Variants in ESYT1 observed in about 807,000 individuals in gnomAD.
ESYT1 encodes the protein extended synaptotagmin 1.
ESYT1 carries 116 observed loss-of-function variants against 154.2 expected under a neutral mutation model. That is an observed-to-expected ratio of 0.75 (90% CI 0.65 to 0.88). ESYT1 has a LOEUF of 0.88. ESYT1 is among the 40% of genes least tolerant of loss of function. ESYT1 has a pLI of 0.00. For synonymous variants in ESYT1, 500 were observed against 539.9 expected (o/e 0.93, Z 1.02); for missense variants, 1,264 against 1,379.3 (o/e 0.92, Z 1.32).
In ESYT1 at chr12:56,128,284, T is replaced by A. The variant is rs1565871518; in HGVS notation, c.-36T>A. ...GCAAGACTAGGCAACCTCCAGCCAG[T>A]CCCTGGGTCGGGCGGATCCTCCCAG... On this transcript the variant is annotated 5_prime_UTR_variant, in exon 1 of 31. Transcript: ENST00000394048. The A allele has an allele frequency of 1.9e-6, 3 of 1,579,068 alleles. No individual in the cohort carries two copies. Among genetic ancestry groups the A allele is most frequent in the Non-Finnish European group, 2.6e-6 (3 of 1,167,738 alleles).
chr12:56,128,330 C>G lies in ESYT1; in HGVS notation c.11C>G (p.Ser4Cys). MER[S>C]PGEGPSPSPM... ...CCCAGAGGTGGCACAATGGAGCGAT[C>G]TCCAGGAGAGGGCCCCAGCCCCAGC... The change falls in exon 1 of 31, where the codon TCT becomes TGT. Residue 4 changes from serine to cysteine, a missense_variant. By Grantham distance (112) the Ser-to-Cys change is moderately radical (BLOSUM62 -1). Coordinates refer to ENST00000394048, the MANE Select transcript of ESYT1 (RefSeq NM_015292.3). 6.2e-7 allele frequency: 1 copy of G among 1,610,822 alleles called. No individual in the cohort carries two copies. The highest frequency in any genetic ancestry group is 8.5e-7 in the Non-Finnish European group (1 of 1,179,150).
At position 56,128,522 on chromosome 12, in the gene ESYT1, T is replaced by G; in HGVS notation, c.203T>G (p.Val68Gly). 3 of 1,612,720 alleles carry G rather than the reference T, an allele frequency of 1.9e-6. No individual in the cohort carries two copies. The highest frequency in any genetic ancestry group is 2.5e-6 in the Non-Finnish European group (3 of 1,179,406). Residue 68 changes from valine (V) to glycine (G), a missense_variant, in exon 1 of 31, where the codon GTG (valine) becomes GGG (glycine). Physicochemically the swap from Val to Gly is moderately radical, Grantham distance 109. Transcript: ENST00000394048. ...FGRRLLVLIPVYLAGAVGLSV... is the reference protein window; with the variant it reads ...FGRRLLVLIPGYLAGAVGLSV... ...AGGCGGTTGCTGGTGCTGATACCTG[T>G]GTATTTGGCCGGGGCAGTGGGACTC...
chr12:56,130,761 TCTC>T (rs757489512), intron 2 of ESYT1, 27 bp from the exon 3 acceptor site: 20 of 1,613,328 alleles, frequency 1.2e-5, no homozygotes, highest in Admixed American at 8.3e-5. Flanking sequence ...AAGACTGGAC[TCTC>T]CTCTGACCAT....
In ESYT1 at chr12:56,130,988, T is replaced by C. The variant is rs1220995186; in HGVS notation, c.568-52T>C. ...GGAGGGTGAGTGGCCCGGAGTAGACTCAGGTACTTCTCCCTATCCCTGCCC... is the reference window on the plus strand; with the variant it reads ...GGAGGGTGAGTGGCCCGGAGTAGACCCAGGTACTTCTCCCTATCCCTGCCC... On this transcript the variant is annotated intron_variant, in intron 3 of 30. Transcript: ENST00000394048. 4.3e-6 allele frequency: 7 copies of C among 1,613,784 alleles called. No homozygotes were observed. In the Admixed American group the frequency reaches 1.2e-4, roughly 27 times the overall value.
At position 56,142,305 on chromosome 12, in the gene ESYT1, C is replaced by T. The variant is rs778781172; in HGVS notation, c.2613C>T (p.Gly871=). Residue 871 remains glycine (G), a synonymous_variant, in exon 25 of 31, where the codon GGC becomes GGT. Coordinates refer to ENST00000394048, the MANE Select transcript of ESYT1 (RefSeq NM_015292.3). The surrounding 1 kb of genome is among the most constrained non-coding windows in gnomAD (Gnocchi z 4.1). ...LELQVRGEGT[G]VLGSLSLPLS... is the part of the protein sequence containing the mutation. ...CACAGGTTCGGGGTGAGGGCACTGG[C>T]GTGCTGGGCTCATTATCCCTGCCCC... The T allele has an allele frequency of 9.3e-6, 15 of 1,613,984 alleles. No homozygotes were observed. The Admixed American group carries it at 1.5e-4, about 16-fold the overall frequency.
Position 56,133,733 on chromosome 12 carries a change from G to A in ESYT1, c.1381-48G>A, listed in dbSNP as rs780874758. The A allele has an allele frequency of 4.3e-6, 7 of 1,612,902 alleles. No homozygotes were observed. In the South Asian group the frequency reaches 7.7e-5, roughly 18 times the overall value. On this transcript the variant is annotated intron_variant, in intron 12 of 30. Transcript: ENST00000394048. The stretch of plus-strand genomic sequence containing the variant: ...GAGAAATAGGTAGCTGGAAGTGTAG[G>A]GGACTTGGAACGGGGACCAAGATCT...
intron 19 of ESYT1, 33 bp downstream of exon 19, chr12:56,137,947 C>T (rs762852715): frequency 1.9e-5 from 30 of 1,613,324 alleles, no homozygotes; most frequent in Non-Finnish European, 2.5e-5. Context: ...GAAAAACAGG[C>T]TGGGGCTCTT....
In ESYT1 at chr12:56,144,225, CT is replaced by C. The variant is rs540400610; in HGVS notation, c.*370del. 1.6e-4 allele frequency: 180 copies of C among 1,126,684 alleles called. No individual in the cohort carries two copies. In the Middle Eastern group the frequency reaches 3.2e-3, roughly 20 times the overall value. 69.8% of individuals were successfully genotyped at this position (1,126,684 alleles called of 1,614,324 possible). On this transcript the variant is annotated 3_prime_UTR_variant, in exon 31 of 31. Coordinates refer to ENST00000394048, the MANE Select transcript of ESYT1 (RefSeq NM_015292.3). ...ATGCCAAATACAGCTTTGGAAGGAT[CT>C]TTTTTTCTTTAACTAGATGGTCACC...
At chr12:56,135,173 G>C (rs1322406777) in intron 15 of ESYT1, among the ~76,000 whole-genome samples, 1 of 151,166 alleles carries the variant, frequency 6.6e-6, no homozygotes, top group Non-Finnish European at 1.5e-5. Context: ...CTAACATTCA[G>C]CATTTTTTTT....
rs1354295577 is a variant in ESYT1, at chr12:56,138,930, A to G, written c.2509A>G (p.Ile837Val). Reference sequence around the variant, plus strand: ...CATAAGCCCTCATCTCCACCAGACTATTTCGCAAACTTCAGCCCCTGTCTG... The same window carrying G: ...CATAAGCCCTCATCTCCACCAGACTGTTTCGCAAACTTCAGCCCCTGTCTG... The part of the protein sequence containing the change: ...VGDSSHKTKT[I>V]SQTSAPVWDE... Residue 837 changes from isoleucine (I) to valine (V), a missense_variant, in exon 24 of 31, where the codon ATT (isoleucine) becomes GTT (valine). Physicochemically the swap from Ile to Val is conservative, Grantham distance 29. Coordinates refer to ENST00000394048, the MANE Select transcript of ESYT1 (RefSeq NM_015292.3). The G allele has an allele frequency of 3.7e-6, 6 of 1,614,026 alleles. No individual in the cohort carries two copies. The East Asian group carries it at 1.3e-4, about 36-fold the overall frequency.
chr12:56,133,457 C>T lies in ESYT1; in HGVS notation c.1285C>T (p.Leu429=). The T allele has an allele frequency of 1.2e-6, 2 of 1,614,154 alleles. No individual in the cohort carries two copies. The highest frequency in any genetic ancestry group is 1.7e-6 in the Non-Finnish European group (2 of 1,180,032). The stretch of plus-strand genomic sequence containing the variant: ...AGGGAAGGTGTTACAGGCTAGCGTT[C>T]TGGATGATGTAAGTTGGGAGAAGAG... The part of the protein sequence containing the change: ...DVGKVLQASV[L]DDWFPLQGGQ... Residue 429 remains leucine, a synonymous_variant, in exon 11 of 31, where the codon CTG becomes TTG. Transcript: ENST00000394048.
Position 56,132,335 on chromosome 12 carries a change from A to G in ESYT1, c.984+3A>G. On this transcript the variant is annotated splice_donor_region_variant and intron_variant, in intron 8 of 30. Transcript: ENST00000394048. ...AGTTGCGTTCCCCTCTGCCCAGGGT[A>G]TGGCCTTTCCCCCACTAGATAGATC... is the stretch of plus-strand genomic sequence containing the variant. 6.2e-7 allele frequency: 1 copy of G among 1,613,956 alleles called. No individual in the cohort carries two copies. The highest frequency in any genetic ancestry group is 2.2e-5 in the East Asian group (1 of 44,868).
chr12:56,130,406 T>A, intron 1 of ESYT1, 176 bp from the exon 2 acceptor site: 1 of 706,108 alleles, frequency 1.4e-6, no homozygotes, highest in Non-Finnish European at 2.5e-6. Flanking sequence ...TAGAGAGACA[T>A]CAGCCCCCAA....
At position 56,138,806 on chromosome 12, in the gene ESYT1, T is replaced by C; in HGVS notation, c.2472T>C (p.Thr824=). The stretch of plus-strand genomic sequence containing the variant: ...CCAAGCACCTCAGCCCTTATGCTAC[T>C]CTCACTGTGGGAGATAGTTCTCATA... ...KGTKHLSPYA[T]LTVGDSSHKT... Residue 824 remains threonine, a synonymous_variant, in exon 23 of 31, where the codon ACT becomes ACC. Coordinates refer to ENST00000394048, the MANE Select transcript of ESYT1 (RefSeq NM_015292.3). The C allele has an allele frequency of 6.2e-7, 1 of 1,614,236 alleles. No homozygotes were observed. The highest frequency in any genetic ancestry group is 8.5e-7 in the Non-Finnish European group (1 of 1,180,030).
At position 56,131,081 on chromosome 12, in the gene ESYT1, A is replaced by G. The variant is rs750686373; in HGVS notation, c.609A>G (p.Arg203=). 8.7e-6 allele frequency: 14 copies of G among 1,614,038 alleles called. No individual in the cohort carries two copies. The highest frequency in any genetic ancestry group is 7.6e-6 in the Non-Finnish European group (9 of 1,180,038). The change falls in exon 4 of 31, where the codon AGA becomes AGG. Residue 203 remains arginine (R), a synonymous_variant. Coordinates refer to ENST00000394048, the MANE Select transcript of ESYT1 (RefSeq NM_015292.3). ...GAGTCAAGGTTCACCCAGGTCAGAG[A>G]AAAGAGCAGATCCTGCTGGACTTGA... ...IIGVKVHPGQ[R]KEQILLDLNI...
At position 56,144,009 on chromosome 12, in the gene ESYT1, T is replaced by G. The variant is rs1870823814; in HGVS notation, c.*147T>G. The G allele has an allele frequency of 6.6e-7, 1 of 1,524,550 alleles. No individual in the cohort carries two copies. Among genetic ancestry groups the G allele is most frequent in the Admixed American group, 2.1e-5 (1 of 46,676 alleles). The allele number at this position is 1,524,550 out of a possible 1,614,324, so 94.4% of individuals were successfully genotyped here. On this transcript the variant is annotated 3_prime_UTR_variant, in exon 31 of 31. Transcript: ENST00000394048. ...CACCTAACAGGCCCATATTCGGGCC[T>G]TTGCCTGACCAAAGAGAAGAACCGT...
At position 56,138,189 on chromosome 12, in the gene ESYT1, AC is replaced by A. The variant is rs2136880374; in HGVS notation, c.2257del (p.Leu753TrpfsTer25). ...ACCCTGCCTACTTCCACAGTGGCTGACCCTGGAGGATGTCCCATCTGGCCGC... is the reference window on the plus strand; with the variant it reads ...ACCCTGCCTACTTCCACAGTGGCTGACCTGGAGGATGTCCCATCTGGCCGC... ...LNSGFLDEWL[T>X]LEDVPSGRLH... is the part of the protein sequence containing the mutation. On this transcript the variant is annotated frameshift_variant, in exon 21 of 31. Coordinates refer to ENST00000394048, the MANE Select transcript of ESYT1 (RefSeq NM_015292.3). LOFTEE classifies it high-confidence loss of function. 6.2e-7 allele frequency: 1 copy of A among 1,614,152 alleles called. No individual in the cohort carries two copies. Among genetic ancestry groups the A allele is most frequent in the East Asian group, 2.2e-5 (1 of 44,882 alleles).
intron 16 of ESYT1, 152 bp downstream of exon 16, chr12:56,137,045 G>T: frequency 7.7e-7 from 1 of 1,300,750 alleles, no homozygotes; most frequent in Non-Finnish European, 1.1e-6. Flanking sequence ...TCTGACTGGT[G>T]GAAGGAATGG....
At chr12:56,137,099 C>T in intron 16 of ESYT1, 119 bp from the exon 17 acceptor site, 1 of 1,394,320 alleles carries the variant, frequency 7.2e-7, no homozygotes. Context: ...TAGAGATGAG[C>T]CCAGCCAGGG....
Sources: gnomAD v4.1 joint callset for allele counts (sites outside exome capture counted in the v4.1 genomes callset) on GRCh38, gnomAD v4.1.1 for gene constraint, Gnocchi (gnomAD v3.1) non-coding constraint, MANE v1.5 for transcripts, NCBI Gene and HGNC (gene_info 2026-07-23, HGNC 2026-07-21) for gene names.